NFAT5: variants seen among roughly 807,000 people sequenced by gnomAD.
NFAT5 encodes nuclear factor of activated T cells 5, also known as nuclear factor of activated T-cells 5.
NFAT5 carries 31 observed loss-of-function variants against 166.5 expected under a neutral mutation model. The observed-to-expected ratio is 0.19, with a 90% CI of 0.14 to 0.25. NFAT5 has a LOEUF of 0.25. NFAT5 is among the 10% of genes least tolerant of loss of function. NFAT5 has a pLI of 1.00. For missense variants in NFAT5, 1,449 were observed against 1,821.8 expected (o/e 0.80, Z 3.72); for synonymous variants, 612 against 639.7 (o/e 0.96, Z 0.65).
chr16:69,590,482 A>C (rs901776071), intron 2 of NFAT5, among the ~76,000 whole-genome samples: 4 of 152,248 alleles, frequency 2.6e-5, no homozygotes, highest in African/African-American at 9.6e-5. Context: ...TGTTAAAATA[A>C]GACTCAGTTG....
Position 69,585,420 on chromosome 16 carries a change from C to T in NFAT5, c.127+16872C>T, listed in dbSNP as rs186872196. Among the ~76,000 whole-genome samples, 339 of 151,812 alleles carry T rather than the reference C, an allele frequency of 2.2e-3. 2 individuals carry two copies. Among genetic ancestry groups the T allele is most frequent in the South Asian group, 5.8e-3 (28 of 4,806 alleles). On this transcript the variant is annotated intron_variant, in intron 2 of 14. Transcript: ENST00000349945. ...AGCTGTTGTGAAAAACAGGTGGTTC[C>T]CCCAAAAAAGTTAAACATAGAATTA...
chr16:69,619,291 G>A (rs2034095663), intron 2 of NFAT5, among the ~76,000 whole-genome samples: 1 of 152,130 alleles, frequency 6.6e-6, no homozygotes, highest in South Asian at 2.1e-4. Flanking sequence ...AAGCCTTGTA[G>A]CATCTCTGTG....
At chr16:69,677,083 G>C (rs561036087) in intron 9 of NFAT5, 120 bp from the exon 10 acceptor site, 1 of 949,440 alleles carries the variant, frequency 1.1e-6, no homozygotes, top group Non-Finnish European at 1.5e-6. Context: ...GCTTTAAAAT[G>C]CATTCTTTTT....
Position 69,690,974 on chromosome 16 carries a change from A to C in NFAT5, c.1809A>C (p.Val603=), listed in dbSNP as rs753602393. The change falls in exon 12 of 15, where the codon GTA becomes GTC. Residue 603 remains valine (V), a synonymous_variant. Coordinates refer to ENST00000349945, the MANE Select transcript of NFAT5 (RefSeq NM_138713.4). ...CTACTGGATGTAATTTAGATAAGGTAAATATTATCCCTAATGCCCTGATGA... is the reference window on the plus strand; with the variant it reads ...CTACTGGATGTAATTTAGATAAGGTCAATATTATCCCTAATGCCCTGATGA... The part of the protein sequence containing the change: ...MKTTGCNLDK[V]NIIPNALMTP... 6.3e-7 allele frequency: 1 copy of C among 1,599,752 alleles called. No homozygotes were observed. The highest frequency in any genetic ancestry group is 8.5e-7 in the Non-Finnish European group (1 of 1,174,196).
At chr16:69,619,565 T>A (rs977119876) in intron 2 of NFAT5, among the ~76,000 whole-genome samples, 1 of 152,180 alleles carries the variant, frequency 6.6e-6, no homozygotes, top group African/African-American at 2.4e-5. Flanking sequence ...TGAGGTTAAA[T>A]GAGAAAAATA....
chr16:69,628,035 G>A (rs2034544538), intron 3 of NFAT5, among the ~76,000 whole-genome samples: 1 of 152,006 alleles, frequency 6.6e-6, no homozygotes, highest in Non-Finnish European at 1.5e-5. Context: ...AGAACTAAAA[G>A]TCTGTTTCTT....
At chr16:69,658,749 C>T (rs1478517398) in intron 6 of NFAT5, among the ~76,000 whole-genome samples, 1 of 152,074 alleles carries the variant, frequency 6.6e-6, no homozygotes, top group Non-Finnish European at 1.5e-5. Flanking sequence ...ATTACCTGAA[C>T]CCAGGAGGGA....
chr16:69,688,658 C>T (rs1597561875), intron 11 of NFAT5, among the ~76,000 whole-genome samples: 1 of 152,106 alleles, frequency 6.6e-6, no homozygotes, highest in Non-Finnish European at 1.5e-5. Flanking sequence ...TGAGCCAATG[C>T]GCCTGGCCCA....
intron 7 of NFAT5, among the ~76,000 whole-genome samples, chr16:69,664,817 C>G (rs1397261753): frequency 6.6e-6 from 1 of 152,016 alleles, no homozygotes; most frequent in African/African-American, 2.4e-5. Flanking sequence ...TACCTGAGGT[C>G]AGGAGATTGA....
chr16:69,693,554 A>G lies in NFAT5; in HGVS notation c.3729A>G (p.Gln1243=), dbSNP rs2037642095. 5 of 1,614,190 alleles carry G rather than the reference A, an allele frequency of 3.1e-6. No individual in the cohort carries two copies. In the South Asian group the frequency reaches 5.5e-5, roughly 18 times the overall value. ...CCCTTCCACCTAATCCAATGCCTCAAAGCCAACAAGGAACCATGTTCCAGT... is the reference window on the plus strand; with the variant it reads ...CCCTTCCACCTAATCCAATGCCTCAGAGCCAACAAGGAACCATGTTCCAGT... The part of the protein sequence containing the change: ...LGSLPPNPMP[Q]SQQGTMFQSQ... The change falls in exon 13 of 15, where the codon CAA becomes CAG. Residue 1243 remains glutamine (Q), a synonymous_variant. Coordinates refer to ENST00000349945, the MANE Select transcript of NFAT5 (RefSeq NM_138713.4).
intron 11 of NFAT5, among the ~76,000 whole-genome samples, chr16:69,688,291 T>C (rs890800430): frequency 6.0e-5 from 9 of 150,948 alleles, no homozygotes; most frequent in Non-Finnish European, 1.3e-4. Context: ...CTGTCTCTAA[T>C]TGAATGAATG....
At chr16:69,680,633 G>A (rs1341806426) in intron 10 of NFAT5, among the ~76,000 whole-genome samples, 2 of 152,172 alleles carry the variant, frequency 1.3e-5, no homozygotes, top group African/African-American at 4.8e-5. Flanking sequence ...ATCACTCTTA[G>A]AAAACCTTGT....
intron 2 of NFAT5, among the ~76,000 whole-genome samples, chr16:69,609,837 A>AAAAAG (rs1567538417): frequency 6.6e-6 from 1 of 151,180 alleles, no homozygotes; most frequent in African/African-American, 2.4e-5. Context: ...AAAAAAAAAA[A>AAAAAG]AAAAGAAAAA....
At position 69,618,158 on chromosome 16, in the gene NFAT5, CA is replaced by C. The variant is rs549536024; in HGVS notation, c.128-8228del. Among the ~76,000 whole-genome samples, 181 of 84,360 alleles carry C rather than the reference CA, an allele frequency of 2.1e-3. 1 individual carries two copies. Among genetic ancestry groups the C allele is most frequent in the Admixed American group, 9.7e-3 (67 of 6,924 alleles). 55.3% of individuals were successfully genotyped at this position (84,360 alleles called of 152,430 possible). ...GGGCAACAACAGCGAAACTCCATCT[CA>C]AAAAAAAAAAAAAAAACTCTGTAGA... On this transcript the variant is annotated intron_variant, in intron 2 of 14. Transcript: ENST00000349945.
intron 4 of NFAT5, chr16:69,649,056 A>C: frequency 1.2e-6 from 1 of 861,018 alleles, no homozygotes. Flanking sequence ...AAAGAAAATA[A>C]GATATACTCT....
chr16:69,592,767 G>A (rs1360945792), intron 2 of NFAT5, among the ~76,000 whole-genome samples: 1 of 152,126 alleles, frequency 6.6e-6, no homozygotes, highest in Non-Finnish European at 1.5e-5. Context: ...TACTTGTTTA[G>A]TGTAGAACTA....
At chr16:69,629,881 A>T (rs2034633077) in intron 3 of NFAT5, among the ~76,000 whole-genome samples, 1 of 146,362 alleles carries the variant, frequency 6.8e-6, no homozygotes, top group African/African-American at 2.5e-5. Flanking sequence ...TGATCCTCCC[A>T]TTTCAGTCTC....
chr16:69,578,407 A>G (rs1231314391), intron 2 of NFAT5, among the ~76,000 whole-genome samples: 1 of 152,230 alleles, frequency 6.6e-6, no homozygotes, highest in African/African-American at 2.4e-5. Context: ...ATAGTCATAT[A>G]TATACTGTAT....
Position 69,693,962 on chromosome 16 carries a change from A to C in NFAT5, c.4137A>C (p.Val1379=), listed in dbSNP as rs1404610466. The C allele has an allele frequency of 6.2e-7, 1 of 1,614,106 alleles. No homozygotes were observed. Among genetic ancestry groups the C allele is most frequent in the Non-Finnish European group, 8.5e-7 (1 of 1,180,034 alleles). Residue 1379 remains valine (V), a synonymous_variant, in exon 13 of 15, where the codon GTA becomes GTC. Transcript: ENST00000349945. ...ATAGCTCTCCTCAGATTCAGTTGGT[A>C]CAAGGGTCACCTAGTTCTCAAGAGC... ...LFHSSPQIQL[V]QGSPSSQEQQ... is the part of the protein sequence containing the mutation.
Sources: gnomAD v4.1 joint callset for allele counts (sites outside exome capture counted in the v4.1 genomes callset) on GRCh38, gnomAD v4.1.1 for gene constraint, MANE v1.5 for transcripts, NCBI Gene and HGNC (gene_info 2026-07-23, HGNC 2026-07-21) for gene names.